The following CRB2 variants were observed in gnomAD, a reference collection of about 807,000 sequenced individuals.
CRB2 encodes crumbs cell polarity complex component 2.
CRB2 carries 85 observed loss-of-function variants against 110.9 expected under a neutral mutation model. The observed-to-expected ratio is 0.77, with a 90% confidence interval of 0.64 to 0.92. CRB2 has a LOEUF of 0.92. CRB2 is among the 40% of genes least tolerant of loss of function. The pLI is 0.00. For missense variants in CRB2, 1,843 were observed against 1,851.3 expected, an observed-to-expected ratio of 1.00 and a Z score of 0.08; for synonymous variants, 907 against 831.0, an observed-to-expected ratio of 1.09 and a Z score of -1.57.
intron 4 of CRB2, 98 bp downstream of exon 4, chr9:123,366,464 C>A: frequency 7.2e-7 from 1 of 1,381,528 alleles, no homozygotes; most frequent in Non-Finnish European, 9.4e-7. Flanking sequence ...CACGCGAGTG[C>A]CCGCTGGGTC....
In CRB2 at chr9:123,371,594, CGGT is replaced by C. The variant is rs748183673; in HGVS notation, c.2436+28_2436+30del. On this transcript the variant is annotated intron_variant, in intron 8 of 12. Transcript: ENST00000373631. ...CATGTGCAGTGTAAGTGTCTGGTGG[CGGT>C]GGTGGTGGTGGGGTGGGGAGTCCTT... The C allele has an allele frequency of 1.6e-5, 25 of 1,610,638 alleles. No homozygotes were observed. Among genetic ancestry groups the C allele is most frequent in the South Asian group, 4.4e-5 (4 of 91,050 alleles).
At chr9:123,375,450 T>G (rs2042088879) in intron 12 of CRB2, 107 bp downstream of exon 12, 10 of 1,318,158 alleles carry the variant, frequency 7.6e-6, no homozygotes, top group Non-Finnish European at 1.0e-5. Context: ...TGGGCCACTC[T>G]GTCATGGGGT....
At chr9:123,376,440 C>G (rs757541502) in intron 12 of CRB2, among the ~76,000 whole-genome samples, 44 of 152,194 alleles carry the variant, frequency 2.9e-4, no homozygotes, top group Non-Finnish European at 4.1e-4. Context: ...CCACCCTGCC[C>G]CCGCAGGTGG....
intron 1 of CRB2, among the ~76,000 whole-genome samples, chr9:123,356,895 G>T (rs1163240410): frequency 6.6e-6 from 1 of 152,120 alleles, no homozygotes; most frequent in Non-Finnish European, 1.5e-5. Context: ...AGCACACGCT[G>T]TGGGGTGTAG....
At chr9:123,375,495 C>G in intron 12 of CRB2, 152 bp downstream of exon 12, 3 of 877,392 alleles carry the variant, frequency 3.4e-6, no homozygotes, top group Non-Finnish European at 4.8e-6. Context: ...CCCTTCCACA[C>G]CCCCCACACA....
At position 123,370,970 on chromosome 9, in the gene CRB2, G is replaced by A. The variant is rs764120872; in HGVS notation, c.1917G>A (p.Thr639=). The change falls in exon 7 of 13, where the codon ACG becomes ACA. Residue 639 remains threonine (T), a synonymous_variant. Transcript: ENST00000373631. ...CDCARPHRGP[T]CADEIPAATF... ...GTGCCCGGCCCCATAGAGGTCCCAC[G>A]TGCGCTGATGGTGAGGAATAAGCCA... The A allele has an allele frequency of 1.9e-5, 31 of 1,604,090 alleles. No homozygotes were observed. Among genetic ancestry groups the A allele is most frequent in the African/African-American group, 9.4e-5 (7 of 74,742 alleles).
chr9:123,365,918 C>T lies in CRB2; in HGVS notation c.420C>T (p.Gly140=). Residue 140 remains glycine, a splice_region_variant and synonymous_variant, in exon 3 of 13, where the codon GGC becomes GGT. Transcript: ENST00000373631. The part of the protein sequence containing the change: ...YECHCPLGYA[G]VTCEMEVDEC... ...CTGTGTGTCCCCTGCCCTGTCCAGG[C>T]GTGACCTGCGAGATGGAGGTGGACG... The T allele has an allele frequency of 6.3e-7, 1 of 1,592,572 alleles. No individual in the cohort carries two copies. Among genetic ancestry groups the T allele is most frequent in the Non-Finnish European group, 8.5e-7 (1 of 1,176,906 alleles).
intron 8 of CRB2, among the ~76,000 whole-genome samples, chr9:123,371,801 C>G (rs1174932029): frequency 6.6e-6 from 1 of 152,162 alleles, no homozygotes; most frequent in African/African-American, 2.4e-5. Context: ...CGTGTCTCCC[C>G]GAGCTAGTCC....
At position 123,372,184 on chromosome 9, in the gene CRB2, CCT is replaced by C. The variant is rs777114603; in HGVS notation, c.2445_2446del (p.Cys816PhefsTer12). 58 of 1,613,976 alleles carry C rather than the reference CCT, an allele frequency of 3.6e-5. No homozygotes were observed. Among genetic ancestry groups the C allele is most frequent in the Middle Eastern group, 1.6e-4 (1 of 6,084 alleles). On this transcript the variant is annotated frameshift_variant, in exon 9 of 13. Transcript: ENST00000373631. LOFTEE classifies it high-confidence loss of function. The stretch of plus-strand genomic sequence containing the variant: ...GCCCTGCCTCTCCCACAGCCTGACC[CCT>C]GTTTCAATGGTGGGACTTGCCTCGT...
intron 9 of CRB2, among the ~76,000 whole-genome samples, chr9:123,372,925 C>T (rs1311979765): frequency 6.6e-6 from 1 of 152,178 alleles, no homozygotes; most frequent in Admixed American, 6.5e-5. Flanking sequence ...CAGCACTGGC[C>T]GGGAACTGCT....
chr9:123,373,754 T>C lies in CRB2; in HGVS notation c.3223T>C (p.Phe1075Leu). The change falls in exon 10 of 13, where the codon TTC becomes CTC. Residue 1075 changes from phenylalanine to leucine, a missense_variant. Phe to Leu is a conservative substitution (Grantham distance 22, BLOSUM62 0). Coordinates refer to ENST00000373631, the MANE Select transcript of CRB2 (RefSeq NM_173689.7). ...GCACGACGGTGCCTGCCGTGACCTC[T>C]TCGACGCCTTTGCCTGCGCCTGCGG... The part of the protein sequence containing the change: ...CLHDGACRDL[F>L]DAFACACGPG... 1 of 1,589,958 alleles carries C rather than the reference T, an allele frequency of 6.3e-7. No homozygotes were observed. Among genetic ancestry groups the C allele is most frequent in the Non-Finnish European group, 8.5e-7 (1 of 1,176,378 alleles).
At chr9:123,362,067 G>C (rs573784246) in intron 1 of CRB2, among the ~76,000 whole-genome samples, 1 of 152,350 alleles carries the variant, frequency 6.6e-6, no homozygotes, top group Non-Finnish European at 1.5e-5. Flanking sequence ...ACCTTGGCCA[G>C]GCCGGCCACT....
rs749445630 is a variant in CRB2, at chr9:123,371,264, G to A, written c.2122G>A (p.Glu708Lys). 3.7e-6 allele frequency: 6 copies of A among 1,613,860 alleles called. No homozygotes were observed. The highest frequency in any genetic ancestry group is 1.3e-5 in the African/African-American group (1 of 74,942). Residue 708 changes from glutamate to lysine, a missense_variant, in exon 8 of 13, where the codon GAG (glutamate) becomes AAG (lysine). Transcript: ENST00000373631. ...CCTGAGTGAGGGTCGGATCCGGGCT[G>A]AGGTGCCGGGCAGTCCTGCTGTAGT... ...VFLSEGRIRA[E>K]VPGSPAVVLP...
At chr9:123,364,337 G>C (rs112629041) in intron 2 of CRB2, among the ~76,000 whole-genome samples, 1 of 149,880 alleles carries the variant, frequency 6.7e-6, no homozygotes, top group African/African-American at 2.5e-5. Flanking sequence ...GGGTTGTGTG[G>C]GCAGTGGGTT....
At position 123,356,284 on chromosome 9, in the gene CRB2, C is replaced by T. The variant is rs2041797511; in HGVS notation, c.24C>T (p.Thr8=). 1 of 1,539,134 alleles carries T rather than the reference C, an allele frequency of 6.5e-7. No individual in the cohort carries two copies. Reference sequence around the variant, plus strand: ...CCATGGCGCTGGCCAGGCCTGGGACCCCGGACCCCCAGGCCCTGGCCTCTG... The same window carrying T: ...CCATGGCGCTGGCCAGGCCTGGGACTCCGGACCCCCAGGCCCTGGCCTCTG... The part of the protein sequence containing the change: MALARPG[T]PDPQALASVL... Residue 8 remains threonine (T), a synonymous_variant, in exon 1 of 13, where the codon ACC becomes ACT. Transcript: ENST00000373631.
Position 123,371,156 on chromosome 9 carries a change from G to C in CRB2, c.2014G>C (p.Val672Leu). ...AGAGCTGCCAGGTCCCAACCTCACA[G>C]TGTCTTTCCTTCTCCGCACTCGGGA... Reference protein sequence around the residue: ...LQELPGPNLTVSFLLRTRESA... With the variant: ...LQELPGPNLTLSFLLRTRESA... The change falls in exon 8 of 13, where the codon GTG becomes CTG. Residue 672 changes from valine to leucine, a missense_variant. Coordinates refer to ENST00000373631, the MANE Select transcript of CRB2 (RefSeq NM_173689.7). 6.2e-7 allele frequency: 1 copy of C among 1,613,738 alleles called. No homozygotes were observed.
At position 123,371,298 on chromosome 9, in the gene CRB2, G is replaced by T. The variant is rs2042012773; in HGVS notation, c.2156G>T (p.Gly719Val). Reference sequence around the variant, plus strand: ...GGCAGTCCTGCTGTAGTGCTCCCTGGGCGCTGGGATGATGGGCTCCGTCAC... The same window carrying T: ...GGCAGTCCTGCTGTAGTGCTCCCTGTGCGCTGGGATGATGGGCTCCGTCAC... Reference protein sequence around the residue: ...VPGSPAVVLPGRWDDGLRHLV... With the variant: ...VPGSPAVVLPVRWDDGLRHLV... The change falls in exon 8 of 13, where the codon GGG (glycine) becomes GTG (valine). Residue 719 changes from glycine (G) to valine (V), a missense_variant. Physicochemically the swap from Gly to Val is moderately radical, Grantham distance 109. Transcript: ENST00000373631. The T allele has an allele frequency of 1.9e-6, 3 of 1,612,938 alleles. No homozygotes were observed. The highest frequency in any genetic ancestry group is 1.3e-5 in the African/African-American group (1 of 75,044).
intron 12 of CRB2, among the ~76,000 whole-genome samples, chr9:123,376,053 C>T (rs1202931770): frequency 1.3e-5 from 2 of 151,624 alleles, no homozygotes; most frequent in East Asian, 1.9e-4. Flanking sequence ...TGAACTTTTA[C>T]AGCCTCTGGC....
intron 1 of CRB2, among the ~76,000 whole-genome samples, chr9:123,362,202 G>A (rs1419397910): frequency 1.3e-5 from 2 of 152,174 alleles, no homozygotes; most frequent in Non-Finnish European, 2.9e-5. Context: ...CGGAGCACAC[G>A]ATCCCTGCTT....
Sources: allele counts gnomAD v4.1 joint callset (sites outside exome capture counted in the v4.1 genomes callset), GRCh38; gene constraint gnomAD v4.1.1; transcripts MANE v1.5; gene names NCBI Gene and HGNC (gene_info 2026-07-23, HGNC 2026-07-21).